The following RBM33 variants were observed in gnomAD, a reference collection of about 807,000 sequenced individuals.
RBM33 encodes the protein RNA binding motif protein 33.
RBM33 carries 28 observed loss-of-function variants against 132.6 expected under a neutral mutation model. The observed-to-expected ratio is 0.21, with a 90% CI of 0.16 to 0.29. The LOEUF is 0.29. Among genes scored for constraint, RBM33 ranks in the 10% least tolerant of loss-of-function variants. The pLI is 1.00. For missense variants in RBM33, 1,291 were observed against 1,518.5 expected (o/e 0.85, Z 2.49); for synonymous variants, 634 against 593.0 (o/e 1.07, Z -1.01).
At chr7:155,706,648 C>T (rs993650091) in intron 6 of RBM33, among the ~76,000 whole-genome samples, 9 of 152,084 alleles carry the variant, frequency 5.9e-5, no homozygotes, top group Non-Finnish European at 8.8e-5. Flanking sequence ...TGTGTCATAA[C>T]GGAAAGCCTG....
chr7:155,661,952 C>G (rs1300170797), intron 1 of RBM33, among the ~76,000 whole-genome samples: 3 of 152,086 alleles, frequency 2.0e-5, no homozygotes, highest in African/African-American at 7.2e-5. Flanking sequence ...GAAGTCTGGA[C>G]ATTTTAGATA....
At chr7:155,661,251 G>A (rs1427482746) in intron 1 of RBM33, among the ~76,000 whole-genome samples, 3 of 149,130 alleles carry the variant, frequency 2.0e-5, no homozygotes, top group Admixed American at 6.7e-5. Flanking sequence ...CCATTCTCCT[G>A]CCTCAACCTC....
At chr7:155,766,989 T>G (rs1802244270) in intron 16 of RBM33, 2 of 292,194 alleles carry the variant, frequency 6.8e-6, no homozygotes, top group African/African-American at 4.5e-5. Flanking sequence ...TTGTTTTATT[T>G]GTAATAACAT....
chr7:155,697,559 T>A (rs556936105), intron 5 of RBM33, among the ~76,000 whole-genome samples: 1 of 152,044 alleles, frequency 6.6e-6, no homozygotes, highest in Admixed American at 6.6e-5. Context: ...TTTTGCACTC[T>A]CTCTCTCTCT....
intron 14 of RBM33, among the ~76,000 whole-genome samples, chr7:155,754,659 C>A (rs1801789988): frequency 2.6e-5 from 4 of 152,240 alleles, no homozygotes. Flanking sequence ...GCTAATCTTG[C>A]TTTTTAAAGA....
In RBM33 at chr7:155,766,650, A is replaced by G. The variant is rs1364018912; in HGVS notation, c.3370A>G (p.Ile1124Val). The G allele has an allele frequency of 1.2e-6, 2 of 1,610,024 alleles. No individual in the cohort carries two copies. Among genetic ancestry groups the G allele is most frequent in the Non-Finnish European group, 1.7e-6 (2 of 1,178,228 alleles). ...LKSLLMSVGP[I>V]QSLQMLPQQR... ...GAGCCTGCTGATGTCAGTGGGACCCATTCAGGTAGCCGCCTGGGGGTGGCA... is the reference window on the plus strand; with the variant it reads ...GAGCCTGCTGATGTCAGTGGGACCCGTTCAGGTAGCCGCCTGGGGGTGGCA... Residue 1124 changes from isoleucine (I) to valine (V), a missense_variant, in exon 16 of 18, where the codon ATT (isoleucine) becomes GTT (valine). Ile to Val is a conservative substitution (Grantham distance 29). This residue lies in a region of RBM33 where 55 missense variants were observed against 101.4 expected (regional missense o/e 0.54). Coordinates refer to ENST00000401878, the MANE Select transcript of RBM33 (RefSeq NM_053043.3).
chr7:155,742,786 G>A (rs1299721386), intron 13 of RBM33, among the ~76,000 whole-genome samples: 1 of 152,180 alleles, frequency 6.6e-6, no homozygotes, highest in Non-Finnish European at 1.5e-5. Flanking sequence ...GTCTTTACCT[G>A]GCTTTAGTTG....
At chr7:155,733,256 AAGTC>A (rs1801010472) in intron 9 of RBM33, among the ~76,000 whole-genome samples, 1 of 152,320 alleles carries the variant, frequency 6.6e-6, no homozygotes, top group South Asian at 2.1e-4. Context: ...TTTTATGTCT[AAGTC>A]AGGGAAAAGT....
At chr7:155,668,571 C>T (rs1458481635) in intron 2 of RBM33, among the ~76,000 whole-genome samples, 5 of 152,116 alleles carry the variant, frequency 3.3e-5, no homozygotes, top group East Asian at 3.8e-4. Flanking sequence ...GTGAACTTTG[C>T]GTGGTGATAC....
intron 8 of RBM33, among the ~76,000 whole-genome samples, chr7:155,712,832 T>G (rs1266182675): frequency 6.6e-6 from 1 of 152,232 alleles, no homozygotes; most frequent in Admixed American, 6.5e-5. Flanking sequence ...CTCAGGACTT[T>G]GGCAGGGAGT....
At chr7:155,716,335 A>ATTTTTTT in intron 8 of RBM33, among the ~76,000 whole-genome samples, 1 of 30,736 alleles carries the variant, frequency 3.3e-5, no homozygotes, top group East Asian at 2.5e-3. Context: ...TTTTTTTTAA[A>ATTTTTTT]TAGGGAAAAG....
At position 155,741,976 on chromosome 7, in the gene RBM33, C is replaced by T; in HGVS notation, c.2207C>T (p.Pro736Leu). The change falls in exon 13 of 18, where the codon CCT becomes CTT. Residue 736 changes from proline to leucine, a missense_variant. Physicochemically the swap from Pro to Leu is moderately conservative, Grantham distance 98 (BLOSUM62 -3). Transcript: ENST00000401878. Reference protein sequence around the residue: ...CSATPSAQVKPIVSASPPSRA... With the variant: ...CSATPSAQVKLIVSASPPSRA... ...GCCACGCCCTCAGCACAAGTGAAAC[C>T]TATCGTCAGCGCGTCACCACCCTCG... 1 of 1,614,016 alleles carries T rather than the reference C, an allele frequency of 6.2e-7. No homozygotes were observed. The highest frequency in any genetic ancestry group is 8.5e-7 in the Non-Finnish European group (1 of 1,179,894).
Position 155,673,699 on chromosome 7 carries a change from TAC to T in RBM33, c.171+786_171+787del. Among the ~76,000 whole-genome samples the T allele has an allele frequency of 1.4e-5, 2 of 139,152 alleles. 1 individual carries two copies. Among genetic ancestry groups the T allele is most frequent in the East Asian group, 4.2e-4 (2 of 4,740 alleles). 91.3% of individuals were successfully genotyped at this position (139,152 alleles called of 152,430 possible). On this transcript the variant is annotated intron_variant, in intron 3 of 17. Coordinates refer to ENST00000401878, the MANE Select transcript of RBM33 (RefSeq NM_053043.3). ...ACGTGTATATATATACACACATATA[TAC>T]ATACACACGTGTATATATATACACA...
At chr7:155,736,659 TA>T (rs1239222064) in intron 9 of RBM33, among the ~76,000 whole-genome samples, 2 of 152,242 alleles carry the variant, frequency 1.3e-5, no homozygotes, top group Admixed American at 6.5e-5. Context: ...TTTGGTTTCT[TA>T]AAACATTTCA....
chr7:155,697,724 T>C (rs949855757), intron 5 of RBM33, among the ~76,000 whole-genome samples: 1 of 152,208 alleles, frequency 6.6e-6, no homozygotes, highest in African/African-American at 2.4e-5. Context: ...CTTCAAAATA[T>C]ATACAAGTCT....
At chr7:155,653,301 A>G (rs1388782513) in intron 1 of RBM33, among the ~76,000 whole-genome samples, 1 of 152,202 alleles carries the variant, frequency 6.6e-6, no homozygotes, top group Admixed American at 6.5e-5. Context: ...TTACATCTGC[A>G]TAGATTCTAT....
chr7:155,724,436 G>T (rs1370303043), intron 9 of RBM33, among the ~76,000 whole-genome samples: 1 of 152,216 alleles, frequency 6.6e-6, no homozygotes, highest in African/African-American at 2.4e-5. Flanking sequence ...GCTGAGGCAG[G>T]AGAATCGCTT....
At position 155,673,760 on chromosome 7, in the gene RBM33, GCA is replaced by G. The variant is rs1563137970; in HGVS notation, c.171+846_171+847del. ...TACATACACACGTGTATATACGCGC[GCA>G]TGCGCGCACACACACACACACACAC... On this transcript the variant is annotated intron_variant, in intron 3 of 17. Transcript: ENST00000401878. Among the ~76,000 whole-genome samples, 17 of 30,898 alleles carry G rather than the reference GCA, an allele frequency of 5.5e-4. 1 individual carries two copies. The highest frequency in any genetic ancestry group is 0.016 in the Middle Eastern group (1 of 64). The allele number at this position is 30,898 out of a possible 152,430, so 20.3% of individuals were successfully genotyped here.
chr7:155,709,696 G>A (rs147078559), intron 7 of RBM33, among the ~76,000 whole-genome samples: 2 of 152,298 alleles, frequency 1.3e-5, no homozygotes, highest in Non-Finnish European at 2.9e-5. Flanking sequence ...GTGTCTGTTA[G>A]TGTGCTGTCT....
Sources: gnomAD v4.1 joint callset for allele counts (sites outside exome capture counted in the v4.1 genomes callset) on GRCh38, gnomAD v4.1.1 for gene constraint, gnomAD v4.1.1 regional missense constraint, MANE v1.5 for transcripts, NCBI Gene and HGNC (gene_info 2026-07-23, HGNC 2026-07-21) for gene names.